The following ASB7 variants were observed in gnomAD, a reference collection of about 807,000 sequenced individuals.
ASB7 encodes the protein ankyrin repeat and SOCS box protein 7.
ASB7 carries 4 observed loss-of-function variants against 32.5 expected under a neutral mutation model. The ratio of observed to expected loss-of-function variants is 0.12; its 90% CI spans 0.06 to 0.28. The LOEUF (loss-of-function observed/expected upper bound fraction) is 0.28, where lower values mean the gene tolerates loss of function less well. ASB7 is among the 10% of genes least tolerant of loss of function. ASB7 has a pLI of 1.00. For missense variants in ASB7, 181 were observed against 407.1 expected, an observed-to-expected ratio of 0.44 and a Z score of 4.78; for synonymous variants, 172 against 155.6, an observed-to-expected ratio of 1.11 and a Z score of -0.78.
At chr15:100,612,571 T>C in intron 4 of ASB7, 144 bp downstream of exon 4, 1 of 786,894 alleles carries the variant, frequency 1.3e-6, no homozygotes, top group Non-Finnish European at 2.0e-6. Context: ...AGATTTGCTA[T>C]AAGTGTGCCT....
chr15:100,617,792 C>G (rs1265402097), intron 4 of ASB7, among the ~76,000 whole-genome samples: 1 of 152,094 alleles, frequency 6.6e-6, no homozygotes. Context: ...AGGGTAGAAC[C>G]CATATCTGTT....
chr15:100,627,534 A>G (rs946322427), intron 4 of ASB7, among the ~76,000 whole-genome samples: 4 of 152,238 alleles, frequency 2.6e-5, no homozygotes, highest in African/African-American at 7.2e-5. Flanking sequence ...AACAGAGACT[A>G]TGCAGGTCAT....
chr15:100,616,457 A>G (rs972648193), intron 4 of ASB7, among the ~76,000 whole-genome samples: 2 of 152,106 alleles, frequency 1.3e-5, no homozygotes, highest in African/African-American at 4.8e-5. Flanking sequence ...TTTTCTTCTA[A>G]AATGTTTTAT....
chr15:100,626,228 GAC>G (rs1156839749), intron 4 of ASB7, among the ~76,000 whole-genome samples: 5 of 152,042 alleles, frequency 3.3e-5, no homozygotes, highest in African/African-American at 1.2e-4. Context: ...ATATTTACAA[GAC>G]ACATCTGACA....
chr15:100,604,520 C>T (rs896751225), intron 2 of ASB7, among the ~76,000 whole-genome samples: 3 of 152,082 alleles, frequency 2.0e-5, no homozygotes, highest in African/African-American at 7.2e-5. Context: ...GGACTTTCTG[C>T]CCTCCACAAA....
chr15:100,614,826 T>C (rs2039728277), intron 4 of ASB7, among the ~76,000 whole-genome samples: 1 of 152,058 alleles, frequency 6.6e-6, no homozygotes, highest in African/African-American at 2.4e-5. Flanking sequence ...TTCAAAGCTG[T>C]CCTGGGCTGC....
intron 5 of ASB7, chr15:100,645,545 G>C (rs995501475): frequency 4.4e-6 from 3 of 681,378 alleles, no homozygotes; most frequent in Non-Finnish European, 8.4e-6. Flanking sequence ...ATCATAGAGA[G>C]GAGCCTTACA....
At chr15:100,633,348 G>C (rs1038264351) in intron 5 of ASB7, among the ~76,000 whole-genome samples, 20 of 152,076 alleles carry the variant, frequency 1.3e-4, no homozygotes, top group African/African-American at 4.6e-4. Flanking sequence ...AGGCTGAGGC[G>C]GGTGGGTCAC....
intron 3 of ASB7, among the ~76,000 whole-genome samples, chr15:100,611,359 T>C (rs1476691119): frequency 6.7e-6 from 1 of 149,206 alleles, no homozygotes; most frequent in Non-Finnish European, 1.5e-5. Context: ...TGGCCAGATA[T>C]TTCATTGTAT....
At chr15:100,612,643 C>T (rs372095549) in intron 4 of ASB7, 2 of 577,444 alleles carry the variant, frequency 3.5e-6, no homozygotes, top group East Asian at 3.0e-5. Flanking sequence ...TTCCCTGAAA[C>T]TGTAGTGTCT....
chr15:100,609,305 G>A (rs554928107), intron 2 of ASB7, among the ~76,000 whole-genome samples: 23 of 152,278 alleles, frequency 1.5e-4, no homozygotes, highest in African/African-American at 5.1e-4. Flanking sequence ...TCATGCACAC[G>A]TATTCTCATT....
At chr15:100,643,474 C>CTTTTTT (rs1345038322) in intron 5 of ASB7, among the ~76,000 whole-genome samples, 1 of 132,600 alleles carries the variant, frequency 7.5e-6, no homozygotes, top group African/African-American at 2.9e-5. Flanking sequence ...TCAGTCCCTT[C>CTTTTTT]TTCTTTTTTT....
intron 4 of ASB7, among the ~76,000 whole-genome samples, chr15:100,625,109 C>T (rs1378458549): frequency 6.6e-6 from 1 of 152,150 alleles, no homozygotes; most frequent in African/African-American, 2.4e-5. Context: ...ATTTCCAAAG[C>T]AATGAAAAGC....
chr15:100,612,086 A>G, intron 3 of ASB7, 80 bp from the exon 4 acceptor site: 1 of 772,424 alleles, frequency 1.3e-6, no homozygotes, highest in East Asian at 2.7e-5. Context: ...AGCAAATGGA[A>G]TGTTCTGTGA....
intron 3 of ASB7, among the ~76,000 whole-genome samples, chr15:100,610,686 T>C (rs941590385): frequency 1.3e-5 from 2 of 152,242 alleles, no homozygotes; most frequent in Non-Finnish European, 2.9e-5. Flanking sequence ...TGACTTAACC[T>C]AGGCCTAAGT....
At chr15:100,605,788 T>G (rs1468523648) in intron 2 of ASB7, among the ~76,000 whole-genome samples, 1 of 152,206 alleles carries the variant, frequency 6.6e-6, no homozygotes, top group African/African-American at 2.4e-5. Flanking sequence ...GACCTCATCA[T>G]TATAATACTT....
At chr15:100,632,482 G>A (rs1352230540) in intron 5 of ASB7, among the ~76,000 whole-genome samples, 4 of 152,070 alleles carry the variant, frequency 2.6e-5, no homozygotes, top group Non-Finnish European at 5.9e-5. Flanking sequence ...GAACAATATG[G>A]GCTAGAAGGA....
intron 5 of ASB7, among the ~76,000 whole-genome samples, chr15:100,642,214 G>A (rs2039966367): frequency 6.6e-6 from 1 of 152,246 alleles, no homozygotes; most frequent in Non-Finnish European, 1.5e-5. Flanking sequence ...CTTATGCAGA[G>A]ATAAATAACT....
chr15:100,608,855 GGT>G (rs1596996937), intron 2 of ASB7, among the ~76,000 whole-genome samples: 1 of 152,182 alleles, frequency 6.6e-6, no homozygotes, highest in East Asian at 1.9e-4. Flanking sequence ...TGAAAATTCT[GGT>G]GTGCAGCCAG....
Sources: allele counts gnomAD v4.1 joint callset (sites outside exome capture counted in the v4.1 genomes callset), GRCh38; gene constraint gnomAD v4.1.1; transcripts MANE v1.5; gene names NCBI Gene and HGNC (gene_info 2026-07-23, HGNC 2026-07-21).